The following SLC37A3 variants were observed in gnomAD, a reference collection of about 807,000 sequenced individuals.
The protein encoded by SLC37A3 is solute carrier family 37 member 3, also known as sugar phosphate exchanger 3.
A neutral mutation model predicts 67.1 loss-of-function variants in SLC37A3; 51 were observed. The ratio of observed to expected loss-of-function variants is 0.76; its 90% CI spans 0.61 to 0.96. SLC37A3 has a LOEUF of 0.96. Among genes scored for constraint, SLC37A3 ranks in the 40% least tolerant of loss-of-function variants. The pLI, the probability that SLC37A3 is intolerant of heterozygous loss-of-function variation, is 0.00. For missense variants in SLC37A3, 508 were observed against 603.0 expected (o/e 0.84, Z 1.65); for synonymous variants, 214 against 231.4 (o/e 0.92, Z 0.68).
Position 140,335,519 on chromosome 7 carries a change from T to C in SLC37A3, c.1393-15A>G, listed in dbSNP as rs375656025. ...GTACAACTTGTCTGTAAAGAGAAAA[T>C]AGTATTAAATATGCAGCAACAGTTT... On this transcript the variant is annotated splice_polypyrimidine_tract_variant and intron_variant, in intron 14 of 14. Transcript: ENST00000326232. 1.9e-5 allele frequency: 30 copies of C among 1,609,284 alleles called. No homozygotes were observed. Among genetic ancestry groups the C allele is most frequent in the Non-Finnish European group, 5.1e-6 (6 of 1,178,406 alleles).
chr7:140,394,085 C>G (rs747466618), intron 1 of SLC37A3, among the ~76,000 whole-genome samples: 2 of 152,068 alleles, frequency 1.3e-5, no homozygotes, highest in Non-Finnish European at 2.9e-5. Flanking sequence ...GCGGGAGGAT[C>G]GCTTGAACCC....
intron 1 of SLC37A3, among the ~76,000 whole-genome samples, chr7:140,397,218 G>A (rs1460204507): frequency 1.4e-5 from 2 of 146,380 alleles, no homozygotes; most frequent in Admixed American, 6.8e-5. Flanking sequence ...AAAAAAGACA[G>A]AGTCTGGCTC....
chr7:140,345,336 G>A (rs577611207), intron 11 of SLC37A3, 73 bp from the exon 12 acceptor site: 40 of 1,133,558 alleles, frequency 3.5e-5, no homozygotes, highest in East Asian at 7.1e-5. Context: ...AACCGTACGC[G>A]AAGATCTGAA....
At chr7:140,343,391 G>A (rs762044683) in intron 13 of SLC37A3, 21 bp downstream of exon 13, 1 of 1,612,026 alleles carries the variant, frequency 6.2e-7, no homozygotes, top group Non-Finnish European at 8.5e-7. Flanking sequence ...TAGAATCCCA[G>A]CCCCTCTCCT....
At chr7:140,353,845 G>A (rs1199058786) in intron 7 of SLC37A3, among the ~76,000 whole-genome samples, 1 of 151,996 alleles carries the variant, frequency 6.6e-6, no homozygotes, top group African/African-American at 2.4e-5. Flanking sequence ...TGGAGTAGCT[G>A]GGATTACAGG....
intron 13 of SLC37A3, among the ~76,000 whole-genome samples, chr7:140,341,870 T>C (rs1310404769): frequency 6.6e-6 from 1 of 152,234 alleles, no homozygotes; most frequent in Non-Finnish European, 1.5e-5. Flanking sequence ...CTCTACCCCA[T>C]AGGTGAAGAC....
intron 5 of SLC37A3, among the ~76,000 whole-genome samples, chr7:140,363,527 A>G (rs1797455043): frequency 8.1e-6 from 1 of 123,670 alleles, no homozygotes; most frequent in African/African-American, 3.1e-5. Context: ...CCACTCCCTA[A>G]TCTTAAGTAC....
In SLC37A3 at chr7:140,335,511, A is replaced by C; in HGVS notation, c.1393-7T>G. Reference sequence around the variant, plus strand: ...ACACAATTGTACAACTTGTCTGTAAAGAGAAAATAGTATTAAATATGCAGC... The same window carrying C: ...ACACAATTGTACAACTTGTCTGTAACGAGAAAATAGTATTAAATATGCAGC... On this transcript the variant is annotated splice_polypyrimidine_tract_variant and splice_region_variant and intron_variant, in intron 14 of 14. Coordinates refer to ENST00000326232, the MANE Select transcript of SLC37A3 (RefSeq NM_207113.3). 6.2e-7 allele frequency: 1 copy of C among 1,612,228 alleles called. No individual in the cohort carries two copies. The highest frequency in any genetic ancestry group is 8.5e-7 in the Non-Finnish European group (1 of 1,179,566).
Position 140,373,677 on chromosome 7 carries a change from CTT to C in SLC37A3, c.199-3997_199-3996del, listed in dbSNP as rs59193678. ...CTATATCTCAAAGAACTTTTTTTTT[CTT>C]TTTTTTTTTTTTTGAGATGGGGTCT... On this transcript the variant is annotated intron_variant, in intron 3 of 14. Transcript: ENST00000326232. Among the ~76,000 whole-genome samples, 601 of 136,176 alleles carry C rather than the reference CTT, an allele frequency of 4.4e-3. 13 individuals carry two copies. In the South Asian group the frequency reaches 0.051, roughly 12 times the overall value. The allele number at this position is 136,176 out of a possible 152,430, so 89.3% of individuals were successfully genotyped here.
At chr7:140,367,573 G>C (rs1563035111) in intron 4 of SLC37A3, among the ~76,000 whole-genome samples, 1 of 152,028 alleles carries the variant, frequency 6.6e-6, no homozygotes, top group Non-Finnish European at 1.5e-5. Flanking sequence ...TTTTAATAAG[G>C]CACACTTAAA....
At chr7:140,340,434 A>T (rs75989342) in intron 13 of SLC37A3, among the ~76,000 whole-genome samples, 2 of 152,092 alleles carry the variant, frequency 1.3e-5, no homozygotes, top group South Asian at 4.2e-4. Flanking sequence ...TCAAAAATCA[A>T]TTTGGCCGCA....
chr7:140,383,745 C>T (rs905216969), intron 1 of SLC37A3, among the ~76,000 whole-genome samples: 3 of 152,022 alleles, frequency 2.0e-5, no homozygotes, highest in Non-Finnish European at 4.4e-5. Flanking sequence ...GGCACGATCT[C>T]GACTCACTGC....
chr7:140,364,429 G>T lies in SLC37A3; in HGVS notation c.354C>A (p.Gly118=). 1.2e-6 allele frequency: 2 copies of T among 1,613,918 alleles called. No individual in the cohort carries two copies. Among genetic ancestry groups the T allele is most frequent in the Non-Finnish European group, 1.7e-6 (2 of 1,179,940 alleles). The change falls in exon 5 of 15, where the codon GGC becomes GGA. Residue 118 remains glycine, a synonymous_variant. Coordinates refer to ENST00000326232, the MANE Select transcript of SLC37A3 (RefSeq NM_207113.3). ...TTACCACTAATGCAGAAGAGCACATGCCAAAAGACAGAACCCATCGCAAAT... is the reference window on the plus strand; with the variant it reads ...TTACCACTAATGCAGAAGAGCACATTCCAAAAGACAGAACCCATCGCAAAT... The part of the protein sequence containing the change: ...RLNLRWVLSF[G]MCSSALVVFV...
chr7:140,344,789 T>C (rs1359230507), intron 12 of SLC37A3, among the ~76,000 whole-genome samples: 1 of 152,164 alleles, frequency 6.6e-6, no homozygotes, highest in Non-Finnish European at 1.5e-5. Flanking sequence ...AAGTAATTTT[T>C]CTATAACATA....
intron 1 of SLC37A3, among the ~76,000 whole-genome samples, chr7:140,391,118 C>T: frequency 6.6e-6 from 1 of 152,216 alleles, no homozygotes; most frequent in African/African-American, 2.4e-5. Context: ...AGCGATTTCA[C>T]ACTTCTCTTT....
At chr7:140,350,085 T>A (rs1044696534) in intron 9 of SLC37A3, among the ~76,000 whole-genome samples, 2 of 152,116 alleles carry the variant, frequency 1.3e-5, no homozygotes, top group Non-Finnish European at 2.9e-5. Context: ...GGCCTACAGA[T>A]CACTCTACCT....
intron 10 of SLC37A3, among the ~76,000 whole-genome samples, chr7:140,347,155 T>TA (rs986139890): frequency 7.1e-6 from 1 of 141,160 alleles, no homozygotes; most frequent in Non-Finnish European, 1.5e-5. Flanking sequence ...CCCAGGTACT[T>TA]AGGGAGGATC....
At chr7:140,357,692 G>T (rs567441793) in intron 6 of SLC37A3, among the ~76,000 whole-genome samples, 1 of 151,890 alleles carries the variant, frequency 6.6e-6, no homozygotes. Context: ...TGAGGCGGGC[G>T]AAATCACCTG....
intron 2 of SLC37A3, 54 bp from the exon 3 acceptor site, chr7:140,380,444 A>G (rs1798207705): frequency 2.3e-6 from 3 of 1,301,296 alleles, no homozygotes; most frequent in Non-Finnish European, 2.2e-6. Flanking sequence ...ACAGCATTCA[A>G]TAAAATCACA....
Sources: allele counts gnomAD v4.1 joint callset (sites outside exome capture counted in the v4.1 genomes callset), GRCh38; gene constraint gnomAD v4.1.1; transcripts MANE v1.5; gene names NCBI Gene and HGNC (gene_info 2026-07-23, HGNC 2026-07-21).